Variants in ZFHX3 observed in about 807,000 individuals in gnomAD.
The protein encoded by ZFHX3 is zinc finger homeobox 3, also known as zinc finger homeobox protein 3.
In ZFHX3, 42 loss-of-function variants were observed where a neutral mutation model predicts 279.1. That is an observed-to-expected ratio of 0.15 (90% CI 0.12 to 0.19). ZFHX3 has a LOEUF of 0.19. ZFHX3 is among the 10% of genes least tolerant of loss of function. ZFHX3 has a pLI of 1.00. For missense variants in ZFHX3, 4,981 were observed against 4,754.0 expected (o/e 1.05, Z -1.40); for synonymous variants, 2,293 against 1,957.8 (o/e 1.17, Z -4.52).
intron 3 of ZFHX3, among the ~76,000 whole-genome samples, chr16:72,932,469 A>G (rs1009550783): frequency 7.2e-6 from 1 of 138,824 alleles, no homozygotes; most frequent in African/African-American, 3.0e-5. Flanking sequence ...CCCTTTGGGA[A>G]AAAAAAAAAG....
At chr16:73,564,839 T>G in intron 2 of ZFHX3, among the ~76,000 whole-genome samples, 1 of 152,264 alleles carries the variant, frequency 6.6e-6, no homozygotes, top group East Asian at 1.9e-4. Flanking sequence ...TGTTCTTAAA[T>G]GCTGGTAGCT....
intron 1 of ZFHX3, among the ~76,000 whole-genome samples, chr16:73,885,922 G>A (rs1034312583): frequency 3.7e-4 from 57 of 152,230 alleles, no homozygotes; most frequent in African/African-American, 1.3e-3. Flanking sequence ...CCCTCCAAAT[G>A]TACAGTTTAT....
Position 72,797,087 on chromosome 16 carries a change from A to G in ZFHX3, c.5595T>C (p.Ser1865=). 6.2e-7 allele frequency: 1 copy of G among 1,613,972 alleles called. No homozygotes were observed. Among genetic ancestry groups the G allele is most frequent in the Non-Finnish European group, 8.5e-7 (1 of 1,180,026 alleles). Residue 1865 remains serine, a synonymous_variant, in exon 9 of 10, where the codon TCT becomes TCC. Transcript: ENST00000268489. The part of the protein sequence containing the change: ...QNQLSIAQSH[S]ALLQPSQHPE... Reference sequence around the variant, plus strand: ...GGTGCTGGCTTGGCTGAAGGAGGGCAGAGTGACTCTGGGCTATAGAGAGTT... The same window carrying G: ...GGTGCTGGCTTGGCTGAAGGAGGGCGGAGTGACTCTGGGCTATAGAGAGTT...
intron 5 of ZFHX3, among the ~76,000 whole-genome samples, chr16:73,224,569 A>G (rs549708103): frequency 6.6e-6 from 1 of 152,364 alleles, no homozygotes; most frequent in South Asian, 2.1e-4. Flanking sequence ...GCCTGGCACC[A>G]TATTTCTAGA....
At chr16:73,074,330 A>G (rs759340892) in intron 8 of ZFHX3, among the ~76,000 whole-genome samples, 4 of 152,206 alleles carry the variant, frequency 2.6e-5, no homozygotes, top group Non-Finnish European at 5.9e-5. Flanking sequence ...GGTTTCCTGC[A>G]TTTGTGTAAA....
intron 5 of ZFHX3, among the ~76,000 whole-genome samples, chr16:73,216,163 G>A (rs190283274): frequency 3.6e-4 from 55 of 152,246 alleles, no homozygotes; most frequent in South Asian, 1.2e-3. Context: ...GCTAAGTTTC[G>A]GGAAGCTTTG....
chr16:73,325,626 T>C (rs1457619377), intron 3 of ZFHX3, among the ~76,000 whole-genome samples: 1 of 152,164 alleles, frequency 6.6e-6, no homozygotes, highest in East Asian at 1.9e-4. Context: ...ATGATAGTCA[T>C]GTCTACAACA....
At chr16:73,762,674 C>T (rs1597100341) in intron 1 of ZFHX3, among the ~76,000 whole-genome samples, 1 of 152,094 alleles carries the variant, frequency 6.6e-6, no homozygotes, top group Non-Finnish European at 1.5e-5. Flanking sequence ...ATGTCCTTTG[C>T]AGGGACATGG....
chr16:73,230,185 G>A (rs534548195), intron 5 of ZFHX3, among the ~76,000 whole-genome samples: 9 of 152,294 alleles, frequency 5.9e-5, no homozygotes, highest in East Asian at 1.9e-4. Context: ...ATGAATATTG[G>A]TAGATGAATG....
At chr16:73,681,603 C>G (rs145502253) in intron 1 of ZFHX3, among the ~76,000 whole-genome samples, 1 of 152,162 alleles carries the variant, frequency 6.6e-6, no homozygotes, top group Non-Finnish European at 1.5e-5. Flanking sequence ...AAGCACCTTG[C>G]TAACGGCTAA....
intron 2 of ZFHX3, among the ~76,000 whole-genome samples, chr16:73,466,758 G>C (rs2018581267): frequency 6.6e-6 from 1 of 152,140 alleles, no homozygotes; most frequent in Non-Finnish European, 1.5e-5. Context: ...TTACTAGAAA[G>C]CTCAGGGACC....
At chr16:72,881,825 C>T (rs376362295) in intron 4 of ZFHX3, among the ~76,000 whole-genome samples, 1 of 152,180 alleles carries the variant, frequency 6.6e-6, no homozygotes, top group African/African-American at 2.4e-5. Context: ...AGGGACAGCA[C>T]CCCCAACTCC....
At chr16:73,497,545 C>G (rs2019162521) in intron 2 of ZFHX3, among the ~76,000 whole-genome samples, 2 of 152,244 alleles carry the variant, frequency 1.3e-5, no homozygotes, top group South Asian at 4.2e-4. Context: ...AAGCATATGC[C>G]TGTAGTCCCA....
At chr16:73,790,711 T>A (rs964836496) in intron 1 of ZFHX3, among the ~76,000 whole-genome samples, 1 of 152,210 alleles carries the variant, frequency 6.6e-6, no homozygotes, top group African/African-American at 2.4e-5. Flanking sequence ...TTTTATTTTG[T>A]TGGCATGTGA....
At chr16:73,167,816 A>G (rs1482058047) in intron 5 of ZFHX3, among the ~76,000 whole-genome samples, 1 of 152,096 alleles carries the variant, frequency 6.6e-6, no homozygotes, top group East Asian at 1.9e-4. Context: ...TTGCCTTCGG[A>G]TTTTCACCTA....
At chr16:73,181,277 T>C (rs1326596457) in intron 5 of ZFHX3, among the ~76,000 whole-genome samples, 1 of 151,996 alleles carries the variant, frequency 6.6e-6, no homozygotes, top group East Asian at 1.9e-4. Flanking sequence ...ATTTTTGTAT[T>C]TTTAGTAGAG....
intron 1 of ZFHX3, among the ~76,000 whole-genome samples, chr16:73,802,166 T>C (rs975741850): frequency 4.6e-5 from 7 of 152,180 alleles, no homozygotes; most frequent in African/African-American, 1.7e-4. Flanking sequence ...GTGTGACTTT[T>C]TTTTTTAAAT....
intron 2 of ZFHX3, chr16:73,499,860 A>G (rs1233970724): frequency 6.6e-6 from 1 of 152,194 alleles, no homozygotes; most frequent in Non-Finnish European, 1.5e-5. Flanking sequence ...AAAATTTCCT[A>G]TGGCCCAGTC....
chr16:73,849,086 G>A (rs995100133), intron 1 of ZFHX3, among the ~76,000 whole-genome samples: 15 of 152,128 alleles, frequency 9.9e-5, no homozygotes, highest in African/African-American at 2.2e-4. Context: ...ATATTCCTAC[G>A]TGTAAACTGA....
Sources: gnomAD v4.1 joint callset for allele counts (sites outside exome capture counted in the v4.1 genomes callset) on GRCh38, gnomAD v4.1.1 for gene constraint, MANE v1.5 for transcripts, NCBI Gene and HGNC (gene_info 2026-07-23, HGNC 2026-07-21) for gene names.